FBXW7: variants seen among roughly 807,000 people sequenced by gnomAD.
FBXW7 encodes the protein F-box/WD repeat-containing protein 7.
Under a neutral mutation model 86.3 loss-of-function variants are expected in FBXW7, and 11 were observed. The observed-to-expected ratio is 0.13, with a 90% CI of 0.08 to 0.21. The LOEUF is 0.21. Among genes scored for constraint, FBXW7 ranks in the 10% least tolerant of loss-of-function variants. The pLI is 1.00. For missense variants in FBXW7, 488 were observed against 847.4 expected (o/e 0.58, Z 5.27); for synonymous variants, 313 against 297.9 (o/e 1.05, Z -0.52).
At chr4:152,497,432 G>T (rs994566299) in intron 2 of FBXW7, among the ~76,000 whole-genome samples, 1 of 130,814 alleles carries the variant, frequency 7.6e-6, no homozygotes, top group African/African-American at 2.9e-5. Flanking sequence ...ATTATAAAAA[G>T]AATCACCACA....
At chr4:152,368,850 C>G (rs763820063) in intron 4 of FBXW7, among the ~76,000 whole-genome samples, 4 of 152,068 alleles carry the variant, frequency 2.6e-5, no homozygotes, top group Admixed American at 2.0e-4. Context: ...TCCAAACAAA[C>G]TACCAAGATG....
chr4:152,474,943 C>T (rs1397773406), intron 2 of FBXW7, among the ~76,000 whole-genome samples: 14 of 152,006 alleles, frequency 9.2e-5, no homozygotes, highest in African/African-American at 3.1e-4. Context: ...GTATTACAGG[C>T]GTGAGCCACC....
chr4:152,417,808 A>C (rs950175798), intron 2 of FBXW7, among the ~76,000 whole-genome samples: 1 of 152,048 alleles, frequency 6.6e-6, no homozygotes, highest in Admixed American at 6.6e-5. Context: ...CGCACCTTGG[A>C]ATCCATGGCA....
At chr4:152,459,634 T>A (rs148021483) in intron 2 of FBXW7, among the ~76,000 whole-genome samples, 1 of 152,182 alleles carries the variant, frequency 6.6e-6, no homozygotes, top group South Asian at 2.1e-4. Context: ...AGAGCATATG[T>A]TCCAGACCCC....
At chr4:152,494,012 G>C (rs903239383) in intron 2 of FBXW7, among the ~76,000 whole-genome samples, 1 of 152,164 alleles carries the variant, frequency 6.6e-6, no homozygotes, top group Non-Finnish European at 1.5e-5. Flanking sequence ...CATTTGGCTA[G>C]GAAAGAGAAC....
At chr4:152,356,126 A>G (rs1732361308) in intron 4 of FBXW7, among the ~76,000 whole-genome samples, 1 of 152,132 alleles carries the variant, frequency 6.6e-6, no homozygotes, top group South Asian at 2.1e-4. Context: ...CGTCTTATAT[A>G]TAGTTCTATT....
At chr4:152,508,341 G>T (rs966147532) in intron 2 of FBXW7, among the ~76,000 whole-genome samples, 3 of 152,030 alleles carry the variant, frequency 2.0e-5, no homozygotes, top group African/African-American at 7.3e-5. Context: ...AACCACTAAT[G>T]TAAATACAGA....
chr4:152,532,824 A>G (rs1300901531), intron 2 of FBXW7, among the ~76,000 whole-genome samples: 1 of 152,230 alleles, frequency 6.6e-6, no homozygotes, highest in Non-Finnish European at 1.5e-5. Flanking sequence ...ACCTACAAGT[A>G]AAAGCATCTC....
At chr4:152,479,252 T>C (rs1744672747) in intron 2 of FBXW7, among the ~76,000 whole-genome samples, 1 of 152,112 alleles carries the variant, frequency 6.6e-6, no homozygotes, top group African/African-American at 2.4e-5. Context: ...GTGAAACATA[T>C]CTTTTAAAAC....
intron 9 of FBXW7, 38 bp downstream of exon 9, chr4:152,330,694 A>G (rs1729485522): frequency 6.3e-7 from 1 of 1,598,282 alleles, no homozygotes; most frequent in African/African-American, 1.3e-5. Flanking sequence ...ACTAACACTG[A>G]TTAACGGTTT....
chr4:152,411,837 G>C lies in FBXW7; in HGVS notation c.-34C>G, dbSNP rs1737994810. ...GCCAGCTTGCTACTTCTTGGACCTT[G>C]GCTAGACTATCAGAAGATGCAAAGG... On this transcript the variant is annotated 5_prime_UTR_variant, in exon 4 of 14. Transcript: ENST00000281708. The C allele has an allele frequency of 6.4e-7, 1 of 1,554,444 alleles. No homozygotes were observed.
Position 152,322,929 on chromosome 4 carries a change from A to G in FBXW7, c.2076T>C (p.Thr692=), listed in dbSNP as rs368414979. The G allele has an allele frequency of 2.5e-6, 4 of 1,613,540 alleles. No individual in the cohort carries two copies. Among genetic ancestry groups the G allele is most frequent in the Non-Finnish European group, 3.4e-6 (4 of 1,179,802 alleles). ...CCAGCACCAGCAGCTTGGTTTCTTC[A>G]GTCCCATTCCGACTCCCAACTGCAC... ...LVCAVGSRNG[T]EETKLLVLDF... Residue 692 remains threonine, a synonymous_variant, in exon 14 of 14, where the codon ACT becomes ACC. Transcript: ENST00000281708.
chr4:152,500,727 G>C (rs571765668), intron 2 of FBXW7, among the ~76,000 whole-genome samples: 4 of 152,048 alleles, frequency 2.6e-5, no homozygotes, highest in Admixed American at 2.0e-4. Flanking sequence ...GAGACTCAGA[G>C]TTTGGAGACT....
At chr4:152,533,361 T>C (rs915164141) in intron 2 of FBXW7, among the ~76,000 whole-genome samples, 4 of 152,198 alleles carry the variant, frequency 2.6e-5, no homozygotes, top group African/African-American at 9.7e-5. Flanking sequence ...TTGGGTACAG[T>C]ATTTTAGAAA....
intron 2 of FBXW7, among the ~76,000 whole-genome samples, chr4:152,488,565 G>A (rs958581046): frequency 2.6e-5 from 4 of 151,992 alleles, no homozygotes; most frequent in African/African-American, 9.7e-5. Context: ...TTTGCCACAT[G>A]AACTTAAAAG....
chr4:152,336,102 T>TA, intron 7 of FBXW7, among the ~76,000 whole-genome samples: 1 of 152,270 alleles, frequency 6.6e-6, no homozygotes, highest in Non-Finnish European at 1.5e-5. Flanking sequence ...TTTATCCACT[T>TA]AGACAATAAA....
chr4:152,328,420 G>C (rs1729252235), intron 10 of FBXW7, 31 bp from the exon 11 acceptor site: 1 of 1,360,150 alleles, frequency 7.4e-7, no homozygotes, highest in Non-Finnish European at 9.6e-7. Flanking sequence ...ATTACTTTTG[G>C]GTAGAAAGGA....
intron 2 of FBXW7, among the ~76,000 whole-genome samples, chr4:152,472,989 T>C (rs981649599): frequency 1.3e-5 from 2 of 152,222 alleles, no homozygotes; most frequent in African/African-American, 2.4e-5. Context: ...AAGGGATTCC[T>C]TATTATTTTC....
Position 152,464,443 on chromosome 4 carries a change from G to A in FBXW7, c.-119-51914C>T, listed in dbSNP as rs78254872. Among the ~76,000 whole-genome samples the A allele has an allele frequency of 5.8e-3, 882 of 152,238 alleles. 19 individuals carry two copies. Among genetic ancestry groups the A allele is most frequent in the Non-Finnish European group, 4.0e-3 (275 of 68,004 alleles). ...AGGGTATAAAATATGAAATGAAAAA[G>A]GAATAAGAGAACTAGGGATAGGACT... is the stretch of plus-strand genomic sequence containing the variant. On this transcript the variant is annotated intron_variant, in intron 2 of 13. Coordinates refer to ENST00000281708, the MANE Select transcript of FBXW7 (RefSeq NM_001349798.2).
Sources: gnomAD v4.1 joint callset for allele counts (sites outside exome capture counted in the v4.1 genomes callset) on GRCh38, gnomAD v4.1.1 for gene constraint, MANE v1.5 for transcripts, NCBI Gene and HGNC (gene_info 2026-07-23, HGNC 2026-07-21) for gene names.